Variants in ZNF207 observed in about 807,000 individuals in gnomAD.
ZNF207 encodes BUB3-interacting and GLEBS motif-containing protein ZNF207.
Under a neutral mutation model 60.2 loss-of-function variants are expected in ZNF207, and 24 were observed. The observed-to-expected ratio is 0.40, with a 90% CI of 0.29 to 0.56. The LOEUF is 0.56. Among genes scored for constraint, ZNF207 ranks in the 20% least tolerant of loss-of-function variants. The pLI, the probability that ZNF207 is intolerant of heterozygous loss-of-function variation, is 0.49. For synonymous variants in ZNF207, 236 were observed against 194.7 expected (o/e 1.21, Z -1.77); for missense variants, 452 against 636.6 (o/e 0.71, Z 3.12).
Position 32,373,306 on chromosome 17 carries a change from C to A in ZNF207, c.*3547C>A, listed in dbSNP as rs1905547842. On this transcript the variant is annotated 3_prime_UTR_variant, in exon 12 of 12. Transcript: ENST00000394670. ...AAGCTGCTCCTTTTGCTTGCTTGATCATTGGGATTTTTAAAAAAAAAAATT... is the reference window on the plus strand; with the variant it reads ...AAGCTGCTCCTTTTGCTTGCTTGATAATTGGGATTTTTAAAAAAAAAAATT... 2 of 607,644 alleles carry A rather than the reference C, an allele frequency of 3.3e-6. No homozygotes were observed. Among genetic ancestry groups the A allele is most frequent in the South Asian group, 4.0e-5 (2 of 50,404 alleles). 37.6% of individuals were successfully genotyped at this position (607,644 alleles called of 1,614,324 possible).
At chr17:32,355,850 G>A (rs890767806) in intron 2 of ZNF207, among the ~76,000 whole-genome samples, 1 of 152,186 alleles carries the variant, frequency 6.6e-6, no homozygotes, top group South Asian at 2.1e-4. Context: ...CTGAGACTGG[G>A]TTAATAAGGT....
chr17:32,357,204 C>T (rs537176690), intron 2 of ZNF207, among the ~76,000 whole-genome samples: 1 of 149,992 alleles, frequency 6.7e-6, no homozygotes, highest in East Asian at 1.9e-4. Flanking sequence ...AAGTAAAATG[C>T]CTCACGTAAC....
At position 32,360,580 on chromosome 17, in the gene ZNF207, ATTTTT is replaced by A; in HGVS notation, c.308-10_308-6del. On this transcript the variant is annotated splice_polypyrimidine_tract_variant and intron_variant, in intron 3 of 11. Coordinates refer to ENST00000394670, the MANE Select transcript of ZNF207 (RefSeq NM_001098507.2). ...TCTTAGTTTTTACTCTATGGAAATA[ATTTTT>A]TTTTTTTAACAGAAAGTCAAAAAAA... The A allele has an allele frequency of 8.5e-7, 1 of 1,171,902 alleles. No homozygotes were observed. Among genetic ancestry groups the A allele is most frequent in the Non-Finnish European group, 1.2e-6 (1 of 846,370 alleles). 72.6% of individuals were successfully genotyped at this position (1,171,902 alleles called of 1,614,324 possible). A position where few individuals can be genotyped will look rare whatever the true frequency, so the allele number is the denominator to read the frequency against.
At chr17:32,353,698 G>GGGCGCGA (rs1265417959) in intron 2 of ZNF207, among the ~76,000 whole-genome samples, 4 of 147,978 alleles carry the variant, frequency 2.7e-5, no homozygotes, top group African/African-American at 9.9e-5. Flanking sequence ...TGGGGGCGGG[G>GGGCGCGA]GGCGCGAGGC....
intron 2 of ZNF207, among the ~76,000 whole-genome samples, chr17:32,356,656 T>G (rs998689047): frequency 6.6e-6 from 1 of 152,224 alleles, no homozygotes. Flanking sequence ...TTAGCCTAAA[T>G]GAGTGCTTCT....
chr17:32,362,752 T>G (rs1597781302), intron 6 of ZNF207, 162 bp from the exon 7 acceptor site: 2 of 513,526 alleles, frequency 3.9e-6, no homozygotes, highest in East Asian at 6.3e-5. Flanking sequence ...TTGATAGGAT[T>G]GTTACAGTGT....
intron 9 of ZNF207, among the ~76,000 whole-genome samples, chr17:32,367,257 A>ATGTATATATATATATG (rs1555608350): frequency 1.0e-5 from 1 of 95,874 alleles, no homozygotes; most frequent in Non-Finnish European, 2.2e-5. Context: ...ATATATATAT[A>ATGTATATATATATATG]TATATATATA....
In ZNF207 at chr17:32,369,630, A is replaced by G. The variant is rs1232459244; in HGVS notation, c.1356A>G (p.Pro452=). The G allele has an allele frequency of 1.3e-6, 2 of 1,574,298 alleles. No homozygotes were observed. Among genetic ancestry groups the G allele is most frequent in the Admixed American group, 1.8e-5 (1 of 54,204 alleles). The change falls in exon 12 of 12, where the codon CCA becomes CCG. Residue 452 remains proline (P), a synonymous_variant. Transcript: ENST00000394670. ...ATGGTGGTCATCATCAAGGCATGCC[A>G]GGATACCTTCCTGGTGCTATGCCCC... The part of the protein sequence containing the change: ...GQYGGHHQGM[P]GYLPGAMPPY...
chr17:32,350,478 C>A, intron 1 of ZNF207, 152 bp downstream of exon 1: 1 of 979,006 alleles, frequency 1.0e-6, no homozygotes, highest in Non-Finnish European at 1.6e-6. Context: ...CTTGGGAAGG[C>A]TTCTAGGAAA....
intron 2 of ZNF207, among the ~76,000 whole-genome samples, chr17:32,353,348 A>G (rs773903315): frequency 3.0e-4 from 45 of 152,190 alleles, no homozygotes; most frequent in Non-Finnish European, 5.3e-4. Flanking sequence ...TAGACCTTAC[A>G]GAAATATGAG....
In ZNF207 at chr17:32,369,415, C is replaced by G. The variant is rs142781278; in HGVS notation, c.1285C>G (p.Pro429Ala). The change falls in exon 11 of 12, where the codon CCA becomes GCA. Residue 429 changes from proline to alanine, a missense_variant. This residue lies in a region of ZNF207 where 390 missense variants were observed against 461.4 expected (regional missense o/e 0.85). Transcript: ENST00000394670. ...TATGATGCCACCACAGCCAGGCATCCCACAGCAACAAGGAATGAGACCCCC... is the reference window on the plus strand; with the variant it reads ...TATGATGCCACCACAGCCAGGCATCGCACAGCAACAAGGAATGAGACCCCC... ...GGMMPPQPGIPQQQGMRPPMP... is the reference protein window; with the variant it reads ...GGMMPPQPGIAQQQGMRPPMP... 1 of 1,614,114 alleles carries G rather than the reference C, an allele frequency of 6.2e-7. No individual in the cohort carries two copies. The highest frequency in any genetic ancestry group is 1.1e-5 in the South Asian group (1 of 91,080).
chr17:32,367,810 C>G lies in ZNF207; in HGVS notation c.960C>G (p.Phe320Leu), dbSNP rs774307870. 13 of 1,614,010 alleles carry G rather than the reference C, an allele frequency of 8.1e-6. No individual in the cohort carries two copies. The African/African-American group carries it at 1.3e-4, about 17-fold the overall frequency. ...AAVQGPVGTD[F>L]KPLNSTPATT... ...TCCAAGGACCTGTTGGTACAGATTT[C>G]AAACCCTTAAATAGTACCCCTGCAA... The change falls in exon 10 of 12, where the codon TTC (phenylalanine) becomes TTG (leucine). Residue 320 changes from phenylalanine to leucine, a missense_variant. Phe to Leu is a conservative substitution (Grantham distance 22). Transcript: ENST00000394670.
Position 32,362,941 on chromosome 17 carries a change from A to C in ZNF207, c.627A>C (p.Pro209=). 1 of 1,613,390 alleles carries C rather than the reference A, an allele frequency of 6.2e-7. No homozygotes were observed. The highest frequency in any genetic ancestry group is 8.5e-7 in the Non-Finnish European group (1 of 1,179,994). Residue 209 remains proline, a synonymous_variant, in exon 7 of 12, where the codon CCA becomes CCC. Coordinates refer to ENST00000394670, the MANE Select transcript of ZNF207 (RefSeq NM_001098507.2). ...TGATGCCAATGGGTGGAATGATGCC[A>C]CCTGGACCAGGAATACCACCTCTGA... ...NIMMPMGGMM[P]PGPGIPPLMP... is the part of the protein sequence containing the mutation.
At chr17:32,360,179 C>G (rs1359446105) in intron 3 of ZNF207, among the ~76,000 whole-genome samples, 2 of 105,630 alleles carry the variant, frequency 1.9e-5, no homozygotes, top group Non-Finnish European at 4.2e-5. Flanking sequence ...CACCTTTACC[C>G]CCCCCCCAAA....
rs992075326 is a variant in ZNF207, at chr17:32,374,836, T to G, written c.*5077T>G. On this transcript the variant is annotated 3_prime_UTR_variant, in exon 12 of 12. Transcript: ENST00000394670. The stretch of plus-strand genomic sequence containing the variant: ...TGTTAAACTATGGTTTTGGAGTGAT[T>G]ATTTTGAGGTTCATTTTCAGCCTCA... 6.6e-6 allele frequency: 1 copy of G among 152,244 alleles called. No homozygotes were observed. Among genetic ancestry groups the G allele is most frequent in the Non-Finnish European group, 1.5e-5 (1 of 68,044 alleles). 9.4% of individuals were successfully genotyped at this position (152,244 alleles called of 1,614,324 possible). A position where few individuals can be genotyped will look rare whatever the true frequency, so the allele number is the denominator to read the frequency against.
At chr17:32,359,885 T>G (rs1904756503) in intron 3 of ZNF207, among the ~76,000 whole-genome samples, 1 of 152,122 alleles carries the variant, frequency 6.6e-6, no homozygotes, top group Non-Finnish European at 1.5e-5. Flanking sequence ...GAGATCCTAT[T>G]TAGATAAATC....
intron 2 of ZNF207, among the ~76,000 whole-genome samples, chr17:32,353,839 G>A (rs1012825079): frequency 2.1e-5 from 3 of 143,762 alleles, no homozygotes; most frequent in African/African-American, 7.9e-5. Context: ...AAAAAAAATT[G>A]TTAGAGAACC....
rs1435256420 is a variant in ZNF207, at chr17:32,378,840, A to G, written c.*9081A>G. 6.6e-6 allele frequency: 1 copy of G among 152,076 alleles called. No homozygotes were observed. The highest frequency in any genetic ancestry group is 1.5e-5 in the Non-Finnish European group (1 of 67,932). 9.4% of individuals were successfully genotyped at this position (152,076 alleles called of 1,614,324 possible). On this transcript the variant is annotated 3_prime_UTR_variant, in exon 12 of 12. Coordinates refer to ENST00000394670, the MANE Select transcript of ZNF207 (RefSeq NM_001098507.2). ...GAATAAAGCATACAAGTTAATTTCT[A>G]ATTTTCGCAAGCCTGAACCATCCTA... is the stretch of plus-strand genomic sequence containing the variant.
At position 32,373,860 on chromosome 17, in the gene ZNF207, T is replaced by C. The variant is rs1905566659; in HGVS notation, c.*4101T>C. Reference sequence around the variant, plus strand: ...AAACTATTAAATTTAACCTCAAGGATAAGTTTAATCATTGGAAATGCCACT... The same window carrying C: ...AAACTATTAAATTTAACCTCAAGGACAAGTTTAATCATTGGAAATGCCACT... On this transcript the variant is annotated 3_prime_UTR_variant, in exon 12 of 12. Transcript: ENST00000394670. 1 of 154,110 alleles carries C rather than the reference T, an allele frequency of 6.5e-6. No homozygotes were observed. Among genetic ancestry groups the C allele is most frequent in the Non-Finnish European group, 1.4e-5 (1 of 69,404 alleles). The allele number at this position is 154,110 out of a possible 1,614,324, so 9.5% of individuals were successfully genotyped here. A position where few individuals can be genotyped will look rare whatever the true frequency, so the allele number is the denominator to read the frequency against.
Sources: allele counts gnomAD v4.1 joint callset (sites outside exome capture counted in the v4.1 genomes callset), GRCh38; gene constraint gnomAD v4.1.1; regional missense constraint gnomAD v4.1.1; transcripts MANE v1.5; gene names NCBI Gene and HGNC (gene_info 2026-07-23, HGNC 2026-07-21).